The following OSBPL5 variants were observed in gnomAD, a reference collection of about 807,000 sequenced individuals.
OSBPL5 encodes oxysterol-binding protein-related protein 5.
In OSBPL5, 71 loss-of-function variants were observed where a neutral mutation model predicts 111.2. The observed-to-expected ratio is 0.64, with a 90% CI of 0.53 to 0.78. The LOEUF (loss-of-function observed/expected upper bound fraction) is 0.78, where lower values mean the gene tolerates loss of function less well. Among genes scored for constraint, OSBPL5 ranks in the 30% least tolerant of loss-of-function variants. OSBPL5 has a pLI of 0.00. For synonymous variants in OSBPL5, 549 were observed against 513.9 expected, an observed-to-expected ratio of 1.07 and a Z score of -0.93; for missense variants, 1,210 against 1,189.3, an observed-to-expected ratio of 1.02 and a Z score of -0.26.
rs1475258209 is a variant in OSBPL5 at position 3,131,880 on chromosome 11, C to CCCAT, written c.-21-2715_-21-2712dup. Among the ~76,000 whole-genome samples, 14 of 76,708 alleles carry CCCAT rather than the reference C, an allele frequency of 1.8e-4. 1 individual carries two copies. Among genetic ancestry groups the CCCAT allele is most frequent in the Non-Finnish European group, 2.5e-4 (11 of 44,304 alleles). The allele number at this position is 76,708 out of a possible 152,430, so 50.3% of individuals were successfully genotyped here. ...AACCATCCATCCATCCATCCATCCA[C>CCCAT]CCATCCACCCACCCTCCCTCCCTTT... is the stretch of plus-strand genomic sequence containing the variant. On this transcript the variant is annotated intron_variant, in intron 1 of 21. Coordinates refer to ENST00000263650, the MANE Select transcript of OSBPL5 (RefSeq NM_020896.4).
intron 1 of OSBPL5, among the ~76,000 whole-genome samples, chr11:3,150,185 G>A (rs949704949): frequency 4.9e-4 from 75 of 152,176 alleles, no homozygotes; most frequent in African/African-American, 1.7e-3. Flanking sequence ...CCAGGCTAAG[G>A]ACTGCATGCC....
Position 3,140,274 on chromosome 11 carries a change from C to T in OSBPL5, c.-21-11105G>A, listed in dbSNP as rs1028964026. Among the ~76,000 whole-genome samples the T allele has an allele frequency of 6.6e-6, 1 of 152,196 alleles. No homozygotes were observed. The highest frequency in any genetic ancestry group is 1.9e-4 in the East Asian group (1 of 5,186). ...CTGGAAGGGGCAGCCCACAGCAATG[C>T]TCTCTGTGAAGGGCCAGCATGGTGC... On this transcript the variant is annotated intron_variant, in intron 1 of 21. Coordinates refer to ENST00000263650, the MANE Select transcript of OSBPL5 (RefSeq NM_020896.4). This position sits in a 1 kb window ranked among gnomAD's most constrained non-coding sequence, Gnocchi z 4.5.
In OSBPL5 at chr11:3,090,658, G is replaced by C; in HGVS notation, c.2298C>G (p.Asp766Glu). Reference protein sequence around the residue: ...GPDQRLRKASDQPSGHSQATE... With the variant: ...GPDQRLRKASEQPSGHSQATE... ...TGGCCTGGCTGTGGCCGGAGGGCTGGTCGCTGGCCTTGCGAAGCCGCTGGT... is the reference window on the plus strand; with the variant it reads ...TGGCCTGGCTGTGGCCGGAGGGCTGCTCGCTGGCCTTGCGAAGCCGCTGGT... The change falls in exon 20 of 22, where the codon GAC (aspartate) becomes GAG (glutamate). Residue 766 changes from aspartate to glutamate, a missense_variant. By Grantham distance (45) the Asp-to-Glu change is conservative (BLOSUM62 2). Transcript: ENST00000263650. 6.2e-7 allele frequency: 1 copy of C among 1,612,366 alleles called. No individual in the cohort carries two copies. Among genetic ancestry groups the C allele is most frequent in the Non-Finnish European group, 8.5e-7 (1 of 1,179,822 alleles).
chr11:3,094,394 GCTGAGTACCGACCCAGCAGCACCGATCC>G lies in OSBPL5; in HGVS notation c.1622-88_1622-61del, dbSNP rs572073191. 4,080 of 1,369,966 alleles carry G rather than the reference GCTGAGTACCGACCCAGCAGCACCGATCC, an allele frequency of 3.0e-3. 83 individuals carry two copies. The African/African-American group carries it at 0.06, about 20-fold the overall frequency. The allele number at this position is 1,369,966 out of a possible 1,614,324, so 84.9% of individuals were successfully genotyped here. ...CCAGCCCTGCTGAGCCCCAGGCCCT[GCTGAGTACCGACCCAGCAGCACCGATCC>G]CTGAGTCCCGACCCAGCAGCACCGA... On this transcript the variant is annotated intron_variant, in intron 14 of 21. Transcript: ENST00000263650.
chr11:3,130,184 G>C lies in OSBPL5; in HGVS notation c.-21-1015C>G, dbSNP rs899130455. Among the ~76,000 whole-genome samples, 2 of 152,232 alleles carry C rather than the reference G, an allele frequency of 1.3e-5. No individual in the cohort carries two copies. The highest frequency in any genetic ancestry group is 4.8e-5 in the African/African-American group (2 of 41,462). ...AAAATCATGGCTCAGGGAGTGGAAGGCCTCGACCTGTAATCGTGACCTGAC... is the reference window on the plus strand; with the variant it reads ...AAAATCATGGCTCAGGGAGTGGAAGCCCTCGACCTGTAATCGTGACCTGAC... On this transcript the variant is annotated intron_variant, in intron 1 of 21. Coordinates refer to ENST00000263650, the MANE Select transcript of OSBPL5 (RefSeq NM_020896.4). This position sits in a 1 kb window ranked among gnomAD's most constrained non-coding sequence, Gnocchi z 4.5.
chr11:3,154,467 G>A lies in OSBPL5; in HGVS notation c.-22+10749C>T, dbSNP rs1474237931. ...ACCAAGCGGGGGGCCTCTACAGCTC[G>A]CCCAGGTTCCAGCTGAGCCAGGCCT... On this transcript the variant is annotated intron_variant, in intron 1 of 21. Coordinates refer to ENST00000263650, the MANE Select transcript of OSBPL5 (RefSeq NM_020896.4). This position sits in a 1 kb window ranked among gnomAD's most constrained non-coding sequence, Gnocchi z 4.9. 1.3e-5 allele frequency among the ~76,000 whole-genome samples: 2 copies of A among 152,224 alleles called. No individual in the cohort carries two copies. The highest frequency in any genetic ancestry group is 2.9e-5 in the Non-Finnish European group (2 of 68,040).
At chr11:3,147,070 C>T (rs950436643) in intron 1 of OSBPL5, among the ~76,000 whole-genome samples, 2 of 150,088 alleles carry the variant, frequency 1.3e-5, no homozygotes, top group Admixed American at 1.3e-4. Context: ...GTCACCCTCA[C>T]GTCCTGGGCT....
At chr11:3,089,694 T>C in intron 21 of OSBPL5, 152 bp downstream of exon 21, 1 of 701,192 alleles carries the variant, frequency 1.4e-6, no homozygotes, top group Admixed American at 2.4e-5. Context: ...GGCGGTTGTC[T>C]TCCTTTCATC....
rs184109353 is a variant in OSBPL5, at chr11:3,095,521, G to A, written c.1622-1187C>T. Among the ~76,000 whole-genome samples the A allele has an allele frequency of 6.3e-4, 96 of 152,182 alleles. 1 individual carries two copies. The East Asian group carries it at 0.018, about 29-fold the overall frequency. On this transcript the variant is annotated intron_variant, in intron 14 of 21. Transcript: ENST00000263650. ...CAGCAGAGGTACTGGGGTGTGCAGG[G>A]GGCCCCTGAGCCAACTATGGCCCCC...
chr11:3,116,342 T>A (rs554251104), intron 7 of OSBPL5, among the ~76,000 whole-genome samples: 1 of 152,360 alleles, frequency 6.6e-6, no homozygotes, highest in East Asian at 1.9e-4. Context: ...AAACTTTTTA[T>A]CATCCACAAG....
At chr11:3,100,381 T>A in intron 13 of OSBPL5, 125 bp from the exon 14 acceptor site, 1 of 772,822 alleles carries the variant, frequency 1.3e-6, no homozygotes, top group South Asian at 1.6e-5. Flanking sequence ...CTTCCAGTGG[T>A]GTGTCTGTGC....
chr11:3,138,862 T>C (rs1024329926), intron 1 of OSBPL5, among the ~76,000 whole-genome samples: 1 of 152,204 alleles, frequency 6.6e-6, no homozygotes, highest in Non-Finnish European at 1.5e-5. Flanking sequence ...TGTCTCCTCA[T>C]CTGGCCCCAG....
intron 14 of OSBPL5, among the ~76,000 whole-genome samples, chr11:3,097,483 A>T (rs541434029): frequency 1.4e-4 from 22 of 152,338 alleles, no homozygotes; most frequent in African/African-American, 5.3e-4. Flanking sequence ...GAAACAACCT[A>T]CTAAGAAAAT....
At chr11:3,153,970 G>T (rs763651123) in intron 1 of OSBPL5, among the ~76,000 whole-genome samples, 1 of 152,228 alleles carries the variant, frequency 6.6e-6, no homozygotes, top group African/African-American at 2.4e-5. Context: ...CGGGGTTACC[G>T]GCTCCCCAAC....
In OSBPL5 at chr11:3,154,453, G is replaced by A. The variant is rs955708979; in HGVS notation, c.-22+10763C>T. 6.6e-6 allele frequency among the ~76,000 whole-genome samples: 1 copy of A among 152,224 alleles called. No homozygotes were observed. The highest frequency in any genetic ancestry group is 1.5e-5 in the Non-Finnish European group (1 of 68,024). ...CTGACGCTTCGTTCACCAAGCGGGG[G>A]GCCTCTACAGCTCGCCCAGGTTCCA... On this transcript the variant is annotated intron_variant, in intron 1 of 21. Transcript: ENST00000263650. The surrounding 1 kb of genome is among the most constrained non-coding windows in gnomAD (Gnocchi z 4.9).
chr11:3,144,182 G>A (rs4468331), intron 1 of OSBPL5, among the ~76,000 whole-genome samples: 123,810 of 152,122 alleles, frequency 0.81, 50,818 homozygotes, highest in African/African-American at 0.89. Flanking sequence ...AACCCAACGC[G>A]GGTGGAAGTG....
chr11:3,103,704 GTAC>G (rs1564829467), intron 10 of OSBPL5, among the ~76,000 whole-genome samples: 76 of 122,788 alleles, frequency 6.2e-4, no homozygotes, highest in Admixed American at 1.7e-3. Flanking sequence ...TCCAGCCTGC[GTAC>G]CCCCTTCCAG....
rs1858789431 is a variant in OSBPL5, at chr11:3,130,544, T to G, written c.-21-1375A>C. 6.6e-6 allele frequency among the ~76,000 whole-genome samples: 1 copy of G among 151,960 alleles called. No individual in the cohort carries two copies. Among genetic ancestry groups the G allele is most frequent in the Non-Finnish European group, 1.5e-5 (1 of 67,970 alleles). On this transcript the variant is annotated intron_variant, in intron 1 of 21. Transcript: ENST00000263650. The surrounding 1 kb of genome is among the most constrained non-coding windows in gnomAD (Gnocchi z 4.5). ...TGTGCCCCCAGTCCTGAAGTCAGAG[T>G]GGGGAGGGGCTCCAAGGATGCAGCC...
intron 1 of OSBPL5, among the ~76,000 whole-genome samples, chr11:3,144,822 A>G (rs2134521896): frequency 6.6e-6 from 1 of 152,294 alleles, no homozygotes; most frequent in East Asian, 1.9e-4. Flanking sequence ...AGGGCAGCTC[A>G]TTCCCCAGGA....
Sources: gnomAD v4.1 joint callset for allele counts (sites outside exome capture counted in the v4.1 genomes callset) on GRCh38, gnomAD v4.1.1 for gene constraint, Gnocchi (gnomAD v3.1) non-coding constraint, MANE v1.5 for transcripts, NCBI Gene and HGNC (gene_info 2026-07-23, HGNC 2026-07-21) for gene names.